Variants in PARD3B observed in about 807,000 individuals in gnomAD.
PARD3B encodes the protein partitioning defective 3 homolog B.
A neutral mutation model predicts 130.2 loss-of-function variants in PARD3B; 103 were observed. That is an observed-to-expected ratio of 0.79 (90% confidence interval 0.67 to 0.93). PARD3B has a LOEUF of 0.93. PARD3B is among the 40% of genes least tolerant of loss of function. PARD3B has a pLI of 0.00. For missense variants in PARD3B, 1,609 were observed against 1,499.2 expected, an observed-to-expected ratio of 1.07 and a Z score of -1.21; for synonymous variants, 583 against 553.2, an observed-to-expected ratio of 1.05 and a Z score of -0.76.
intron 3 of PARD3B, among the ~76,000 whole-genome samples, chr2:204,986,101 C>CAAAAAAAAA (rs371839271): frequency 2.0e-5 from 1 of 51,240 alleles, no homozygotes; most frequent in Non-Finnish European, 3.3e-5. Flanking sequence ...ACTCTGTCTC[C>CAAAAAAAAA]AAAAAAAAAA....
At chr2:204,703,448 T>C (rs2037989113) in intron 2 of PARD3B, among the ~76,000 whole-genome samples, 1 of 152,224 alleles carries the variant, frequency 6.6e-6, no homozygotes, top group South Asian at 2.1e-4. Context: ...AGCTAGTTTA[T>C]TTCTGTTACT....
intron 1 of PARD3B, among the ~76,000 whole-genome samples, chr2:204,683,284 G>C (rs964850974): frequency 1.3e-5 from 2 of 152,122 alleles, no homozygotes; most frequent in African/African-American, 2.4e-5. Context: ...ACAGTTACTT[G>C]TGCAATATAA....
intron 2 of PARD3B, among the ~76,000 whole-genome samples, chr2:204,829,738 G>A (rs563209734): frequency 6.6e-6 from 1 of 152,148 alleles, no homozygotes; most frequent in African/African-American, 2.4e-5. Flanking sequence ...GGTGGCTCAC[G>A]CCTGTAATCC....
rs532345332 is a variant in PARD3B, at chr2:204,875,425, G to A, written c.223-89727G>A. Among the ~76,000 whole-genome samples the A allele has an allele frequency of 2.0e-5, 3 of 152,286 alleles. No individual in the cohort carries two copies. The South Asian group carries it at 6.2e-4, about 32-fold the overall frequency. ...CATCTTGTGAAAATCTTTAGAGGGA[G>A]TCAATTAGAACAGTACTCTCAAACT... On this transcript the variant is annotated intron_variant, in intron 2 of 22. Transcript: ENST00000406610.
chr2:205,566,396 A>G (rs2053334000), intron 22 of PARD3B, among the ~76,000 whole-genome samples: 1 of 152,204 alleles, frequency 6.6e-6, no homozygotes, highest in Non-Finnish European at 1.5e-5. Flanking sequence ...TGATGAAAGC[A>G]GAATCGGAGA....
chr2:204,707,042 A>G (rs1381234473), intron 2 of PARD3B, among the ~76,000 whole-genome samples: 1 of 152,206 alleles, frequency 6.6e-6, no homozygotes, highest in Non-Finnish European at 1.5e-5. Context: ...GAAATTGTTT[A>G]AGATTTGAAA....
intron 19 of PARD3B, among the ~76,000 whole-genome samples, chr2:205,425,065 C>A (rs1267333564): frequency 6.6e-6 from 1 of 152,200 alleles, no homozygotes; most frequent in Admixed American, 6.5e-5. Context: ...GCTCTTTCTT[C>A]AGTGTTAGTT....
rs1403000256 is a variant in PARD3B, at chr2:205,274,819, A to G, written c.2186-25711A>G. Among the ~76,000 whole-genome samples the G allele has an allele frequency of 3.3e-5, 5 of 152,176 alleles. No homozygotes were observed. Among genetic ancestry groups the G allele is most frequent in the Non-Finnish European group, 7.3e-5 (5 of 68,032 alleles). On this transcript the variant is annotated intron_variant, in intron 16 of 22. Coordinates refer to ENST00000406610, the MANE Select transcript of PARD3B (RefSeq NM_001302769.2). The surrounding 1 kb of genome is among the most constrained non-coding windows in gnomAD (Gnocchi z 4.2). ...TTCTTGGCTTTTCAGCAAGTTGTCT[A>G]TAGTATGTATATCATAATATTACCT... is the stretch of plus-strand genomic sequence containing the variant.
At chr2:204,825,714 A>G (rs1044981867) in intron 2 of PARD3B, among the ~76,000 whole-genome samples, 3 of 152,194 alleles carry the variant, frequency 2.0e-5, no homozygotes, top group Admixed American at 6.5e-5. Flanking sequence ...ATAGTTTCCC[A>G]GTAATTATCC....
chr2:205,323,496 A>C (rs2042829908), intron 18 of PARD3B, among the ~76,000 whole-genome samples: 1 of 152,202 alleles, frequency 6.6e-6, no homozygotes, highest in Non-Finnish European at 1.5e-5. Context: ...ATTTTTGTGG[A>C]GAAAGAATCC....
intron 2 of PARD3B, among the ~76,000 whole-genome samples, chr2:204,729,837 T>A (rs574142345): frequency 1.3e-5 from 2 of 152,244 alleles, no homozygotes; most frequent in South Asian, 4.1e-4. Context: ...AAAAAAAAAT[T>A]TTTTGTTTAT....
chr2:205,393,825 A>G (rs2045936829), intron 18 of PARD3B, among the ~76,000 whole-genome samples: 1 of 152,208 alleles, frequency 6.6e-6, no homozygotes, highest in African/African-American at 2.4e-5. Flanking sequence ...GACAAGCTGT[A>G]CATATTGTAA....
intron 4 of PARD3B, among the ~76,000 whole-genome samples, chr2:205,069,988 C>G (rs1700625093): frequency 6.6e-6 from 1 of 152,146 alleles, no homozygotes; most frequent in Non-Finnish European, 1.5e-5. Flanking sequence ...TGTGATACCC[C>G]ACCCTTGGCA....
intron 4 of PARD3B, among the ~76,000 whole-genome samples, chr2:205,092,982 C>A (rs1702197825): frequency 6.6e-6 from 1 of 152,170 alleles, no homozygotes; most frequent in Non-Finnish European, 1.5e-5. Flanking sequence ...TCAGTGCATT[C>A]TCTTTTACTT....
intron 18 of PARD3B, among the ~76,000 whole-genome samples, chr2:205,368,361 G>A (rs2105900166): frequency 6.6e-6 from 1 of 152,244 alleles, no homozygotes; most frequent in East Asian, 1.9e-4. Flanking sequence ...GGCCGGGTTT[G>A]GTGGCTCACA....
chr2:205,444,088 T>C (rs1026597803), intron 20 of PARD3B, among the ~76,000 whole-genome samples: 2 of 152,184 alleles, frequency 1.3e-5, no homozygotes, highest in Non-Finnish European at 2.9e-5. Flanking sequence ...GTTCAAGTGA[T>C]TCTCATGTCT....
At chr2:204,776,404 G>T (rs1426120296) in intron 2 of PARD3B, among the ~76,000 whole-genome samples, 1 of 152,072 alleles carries the variant, frequency 6.6e-6, no homozygotes, top group Non-Finnish European at 1.5e-5. Context: ...TGAGGTAATA[G>T]AATAATTTCC....
At position 205,157,447 on chromosome 2, in the gene PARD3B, A is replaced by G. The variant is rs185414998; in HGVS notation, c.1435-1275A>G. Among the ~76,000 whole-genome samples the G allele has an allele frequency of 2.3e-3, 353 of 152,322 alleles. 1 individual carries two copies. The highest frequency in any genetic ancestry group is 8.2e-3 in the African/African-American group (341 of 41,570). ...AGACAACTTCACTTATAAGAAAATT[A>G]AATGAAAGAACTATTTCTTTAAAAG... On this transcript the variant is annotated intron_variant, in intron 10 of 22. Transcript: ENST00000406610.
At chr2:204,693,555 C>T (rs1490289480) in intron 2 of PARD3B, among the ~76,000 whole-genome samples, 3 of 152,022 alleles carry the variant, frequency 2.0e-5, no homozygotes, top group African/African-American at 4.8e-5. Flanking sequence ...AGTAAGTCAT[C>T]AATTGTTATT....
Sources: allele counts gnomAD v4.1 joint callset (sites outside exome capture counted in the v4.1 genomes callset), GRCh38; gene constraint gnomAD v4.1.1; non-coding constraint Gnocchi (gnomAD v3.1); transcripts MANE v1.5; gene names NCBI Gene and HGNC (gene_info 2026-07-23, HGNC 2026-07-21).